The following PHEX variants were observed in gnomAD, a reference collection of about 807,000 sequenced individuals.
PHEX encodes the protein phosphate-regulating neutral endopeptidase PHEX.
In PHEX, 16 loss-of-function variants were observed where a neutral mutation model predicts 68.0. The observed-to-expected ratio is 0.24, with a 90% CI of 0.16 to 0.36. The LOEUF is 0.36. Among genes scored for constraint, PHEX ranks in the 10% least tolerant of loss-of-function variants. The pLI, the probability that PHEX is intolerant of heterozygous loss-of-function variation, is 1.00. For missense variants in PHEX, 480 were observed against 575.5 expected (o/e 0.83, Z 1.70); for synonymous variants, 208 against 205.1 (o/e 1.01, Z -0.12).
At chrX:22,146,882 G>A (rs1932725213) in intron 12 of PHEX, among the ~76,000 whole-genome samples, 1 of 110,603 alleles carries the variant, frequency 9.0e-6, no homozygotes, top group South Asian at 3.8e-4. Context: ...GACGAAACTT[G>A]GAATAGTAAA....
chrX:22,195,439 T>TA (rs1430548384), intron 15 of PHEX, among the ~76,000 whole-genome samples: 1 of 108,710 alleles, frequency 9.2e-6, no homozygotes, highest in Non-Finnish European at 1.9e-5. Flanking sequence ...ACCAAAAATA[T>TA]AAAAAATTAG....
chrX:22,186,288 G>A (rs1356129641), intron 14 of PHEX, among the ~76,000 whole-genome samples: 3 of 111,841 alleles, frequency 2.7e-5, no homozygotes, highest in African/African-American at 9.8e-5. Context: ...TATGCATCAG[G>A]GGGAAGTTGT....
intron 12 of PHEX, among the ~76,000 whole-genome samples, chrX:22,139,251 G>A (rs903962097): frequency 8.1e-5 from 9 of 111,356 alleles, no homozygotes; most frequent in South Asian, 3.8e-4. Flanking sequence ...GTTGTCAGCC[G>A]TTTGGTCCAA....
intron 15 of PHEX, among the ~76,000 whole-genome samples, chrX:22,212,497 G>A (rs1934960541): frequency 9.0e-6 from 1 of 111,677 alleles, no homozygotes. Context: ...TCAAGATAGT[G>A]GCAGGAGAAG....
At chrX:22,033,946 G>A (rs1182302860) in intron 1 of PHEX, among the ~76,000 whole-genome samples, 1 of 112,042 alleles carries the variant, frequency 8.9e-6, no homozygotes, top group Admixed American at 9.5e-5. Flanking sequence ...GATTCTAGGT[G>A]CAGTTTGAAA....
At chrX:22,096,741 G>A (rs1161823323) in intron 7 of PHEX, among the ~76,000 whole-genome samples, 1 of 111,654 alleles carries the variant, frequency 9.0e-6, no homozygotes, top group Non-Finnish European at 1.9e-5. Context: ...TTTTTGTACT[G>A]GGGACAATAT....
chrX:22,057,561 A>C (rs1302016960), intron 3 of PHEX, among the ~76,000 whole-genome samples: 1 of 110,588 alleles, frequency 9.0e-6, no homozygotes, highest in Non-Finnish European at 1.9e-5. Flanking sequence ...ACTGCACTTC[A>C]TCCAGGGCAA....
At chrX:22,060,067 A>G (rs1277288911) in intron 3 of PHEX, among the ~76,000 whole-genome samples, 2 of 108,719 alleles carry the variant, frequency 1.8e-5, no homozygotes, top group Admixed American at 1.0e-4. Flanking sequence ...GAGAGGGAAG[A>G]ATGCTTGAGC....
At chrX:22,129,968 C>G (rs1931913585) in intron 11 of PHEX, among the ~76,000 whole-genome samples, 1 of 111,516 alleles carries the variant, frequency 9.0e-6, no homozygotes. Context: ...GCTTCTGTCC[C>G]CATCCCTCTT....
intron 3 of PHEX, among the ~76,000 whole-genome samples, chrX:22,053,362 C>T (rs776496052): frequency 3.5e-4 from 39 of 111,792 alleles, no homozygotes; most frequent in African/African-American, 1.2e-3. Context: ...ATAAAATGGA[C>T]TTGACAGACC....
intron 14 of PHEX, among the ~76,000 whole-genome samples, chrX:22,183,552 T>C (rs1156403598): frequency 1.8e-5 from 2 of 111,996 alleles, no homozygotes; most frequent in East Asian, 5.6e-4. Context: ...CAGTCTAAAT[T>C]ATTCAATAGT....
chrX:22,158,054 A>T (rs1374586951), intron 12 of PHEX, among the ~76,000 whole-genome samples: 2 of 111,978 alleles, frequency 1.8e-5, no homozygotes, highest in Non-Finnish European at 3.8e-5. Flanking sequence ...CATTGTTATT[A>T]TTTGTGGGAT....
chrX:22,091,345 C>T (rs1929875596), intron 6 of PHEX, among the ~76,000 whole-genome samples: 2 of 111,541 alleles, frequency 1.8e-5, no homozygotes, highest in Admixed American at 9.5e-5. Context: ...GATGGAGTCT[C>T]AGCAACCAGG....
rs73636813 is a variant in PHEX at position 22,168,249 on chromosome X, T to C, written c.1405-63T>C. 4.1e-3 allele frequency: 3,380 copies of C among 819,933 alleles called. 75 individuals are homozygous for C. In the African/African-American group the frequency reaches 0.06, roughly 15 times the overall value. 67.6% of individuals were successfully genotyped at this position (819,933 alleles called of 1,213,427 possible). A position where few individuals can be genotyped will look rare whatever the true frequency, so the allele number is the denominator to read the frequency against. On this transcript the variant is annotated intron_variant, in intron 12 of 21. Transcript: ENST00000379374. ...CAGATGAAGGGCGCATTTCTACATC[T>C]TGTGATTATTAATGATTTAAGTGCT...
intron 20 of PHEX, among the ~76,000 whole-genome samples, chrX:22,231,404 A>C (rs1935731220): frequency 9.0e-6 from 1 of 111,340 alleles, no homozygotes; most frequent in Non-Finnish European, 1.9e-5. Context: ...CTGGTCCTCA[A>C]CTTTTTTTGG....
At chrX:22,233,298 C>T (rs1484020751) in intron 20 of PHEX, among the ~76,000 whole-genome samples, 4 of 110,994 alleles carry the variant, frequency 3.6e-5, no homozygotes, top group African/African-American at 6.6e-5. Context: ...TGGGGTTGCT[C>T]TTCTCGAGGA....
intron 12 of PHEX, among the ~76,000 whole-genome samples, chrX:22,151,868 G>T (rs936401900): frequency 1.8e-5 from 2 of 111,275 alleles, no homozygotes; most frequent in Non-Finnish European, 3.8e-5. Context: ...AGAACAGAAA[G>T]CTCAGTGGTA....
intron 18 of PHEX, among the ~76,000 whole-genome samples, chrX:22,224,783 A>ATTTG (rs899398540): frequency 7.4e-5 from 8 of 108,561 alleles, no homozygotes; most frequent in African/African-American, 2.3e-4. Context: ...TTTTCCAAAG[A>ATTTG]TTTGTTTTTA....
chrX:22,202,611 C>G (rs1408012712), intron 15 of PHEX, among the ~76,000 whole-genome samples: 3 of 111,911 alleles, frequency 2.7e-5, no homozygotes, highest in African/African-American at 9.7e-5. Flanking sequence ...ATATCAGTCA[C>G]ATTTCATTCT....
Sources: gnomAD v4.1 joint callset for allele counts (sites outside exome capture counted in the v4.1 genomes callset) on GRCh38, gnomAD v4.1.1 for gene constraint, MANE v1.5 for transcripts, NCBI Gene and HGNC (gene_info 2026-07-23, HGNC 2026-07-21) for gene names.